Variants in PCDHA2 observed in about 807,000 individuals in gnomAD.
PCDHA2 encodes the protein protocadherin alpha 2.
PCDHA2 carries 58 observed loss-of-function variants against 66.0 expected under a neutral mutation model. The ratio of observed to expected loss-of-function variants is 0.88; its 90% CI spans 0.71 to 1.09. The LOEUF (loss-of-function observed/expected upper bound fraction) is 1.09, where lower values mean the gene tolerates loss of function less well. Among genes scored for constraint, PCDHA2 ranks in the 50% least tolerant of loss-of-function variants. PCDHA2 has a pLI of 0.00. For missense variants in PCDHA2, 1,267 were observed against 1,242.3 expected, an observed-to-expected ratio of 1.02 and a Z score of -0.30; for synonymous variants, 634 against 554.0, an observed-to-expected ratio of 1.14 and a Z score of -2.03.
chr5:140,832,282 A>C (rs1771893772), intron 1 of PCDHA2, among the ~76,000 whole-genome samples: 4 of 152,208 alleles, frequency 2.6e-5, no homozygotes, highest in Admixed American at 2.6e-4. Flanking sequence ...ATTAAGCATG[A>C]ATGGTGTATT....
Position 140,858,211 on chromosome 5 carries a change from C to T in PCDHA2, c.2388+60859C>T, listed in dbSNP as rs368039385. On this transcript the variant is annotated intron_variant, in intron 1 of 3. Transcript: ENST00000526136. ...TGCTGCTGTACACTGCACTGAGGTG[C>T]TCGGCGGCGCCCACCGAGGGCGCAT... 10 of 1,594,094 alleles carry T rather than the reference C, an allele frequency of 6.3e-6. 2 individuals are homozygous for T. Among genetic ancestry groups the T allele is most frequent in the Non-Finnish European group, 8.6e-6 (10 of 1,165,544 alleles).
rs2150304405 is a variant in PCDHA2, at chr5:140,840,185, G to A, written c.2388+42833G>A. On this transcript the variant is annotated intron_variant, in intron 1 of 3. Transcript: ENST00000526136. The stretch of plus-strand genomic sequence containing the variant: ...GGGATGTATACAAATTTTAAATATG[G>A]TAGGCAAAGGAAAAGAAGTCATAAA... 1.2e-3 allele frequency among the ~76,000 whole-genome samples: 185 copies of A among 152,064 alleles called. 3 individuals carry two copies. The highest frequency in any genetic ancestry group is 4.4e-3 in the African/African-American group (182 of 41,478).
At chr5:140,883,786 C>G in intron 1 of PCDHA2, 1 of 1,612,422 alleles carries the variant, frequency 6.2e-7, no homozygotes, top group Admixed American at 1.7e-5. Flanking sequence ...CGCTGTCGAG[C>G]TACGTGTCGG....
chr5:140,945,275 A>G (rs1205952276), intron 1 of PCDHA2, among the ~76,000 whole-genome samples: 2 of 152,186 alleles, frequency 1.3e-5, no homozygotes, highest in Non-Finnish European at 2.9e-5. Context: ...TGAAAACTTT[A>G]AAACATTGAT....
chr5:140,904,039 A>T (rs947456842), intron 1 of PCDHA2, among the ~76,000 whole-genome samples: 5 of 152,138 alleles, frequency 3.3e-5, no homozygotes, highest in Non-Finnish European at 7.4e-5. Context: ...TAACTTTTTA[A>T]TTTTTTTATT....
At chr5:140,828,396 G>A in intron 1 of PCDHA2, 1 of 1,614,278 alleles carries the variant, frequency 6.2e-7, no homozygotes, top group Non-Finnish European at 8.5e-7. Flanking sequence ...AGCGCGGAGT[G>A]CAGCATCCAC....
At chr5:140,867,584 T>G (rs1386448666) in intron 1 of PCDHA2, 4 of 152,130 alleles carry the variant, frequency 2.6e-5, no homozygotes, top group Non-Finnish European at 5.9e-5. Context: ...CTTGCAGTAT[T>G]TTTAGATTGG....
rs146195620 is a variant in PCDHA2, at chr5:140,842,865, G to A, written c.2388+45513G>A. The A allele has an allele frequency of 1.3e-6, 2 of 1,593,868 alleles. 1 individual carries two copies. The highest frequency in any genetic ancestry group is 1.7e-6 in the Non-Finnish European group (2 of 1,165,400). ...TACATTTCGGTGCACACGGAGAGCGGCAAGGTGTACGCGCTGCAGCCGCTG... is the reference window on the plus strand; with the variant it reads ...TACATTTCGGTGCACACGGAGAGCGACAAGGTGTACGCGCTGCAGCCGCTG... On this transcript the variant is annotated intron_variant, in intron 1 of 3. Coordinates refer to ENST00000526136, the MANE Select transcript of PCDHA2 (RefSeq NM_018905.3).
chr5:140,886,552 G>A (rs188986859), intron 1 of PCDHA2, among the ~76,000 whole-genome samples: 132 of 151,712 alleles, frequency 8.7e-4, no homozygotes, highest in Middle Eastern at 3.4e-3. Flanking sequence ...TCCCAGCTGG[G>A]CACGGTGGCT....
rs563652109 is a variant in PCDHA2 at position 140,884,316 on chromosome 5, C to G, written c.2388+86964C>G. 26 of 1,613,752 alleles carry G rather than the reference C, an allele frequency of 1.6e-5. 2 individuals carry two copies. The South Asian group carries it at 2.5e-4, about 16-fold the overall frequency. On this transcript the variant is annotated intron_variant, in intron 1 of 3. Transcript: ENST00000526136. ...GCGCCACAGGCTTCGTCGAGGGCGT[C>G]GGCAGGCGCTGTGGGTCCAGAAGCG...
chr5:140,929,166 C>T (rs782695019), intron 1 of PCDHA2: 1 of 1,614,146 alleles, frequency 6.2e-7, no homozygotes, highest in Non-Finnish European at 8.5e-7. Context: ...TCTATCGGGC[C>T]TCTCTGGGAC....
intron 1 of PCDHA2, among the ~76,000 whole-genome samples, chr5:140,916,847 C>G (rs1276107761): frequency 6.6e-6 from 1 of 152,116 alleles, no homozygotes; most frequent in Non-Finnish European, 1.5e-5. Flanking sequence ...GAGCCCAGCC[C>G]AGCACTAGGA....
chr5:140,843,735 G>A lies in PCDHA2; in HGVS notation c.2388+46383G>A. On this transcript the variant is annotated intron_variant, in intron 1 of 3. Coordinates refer to ENST00000526136, the MANE Select transcript of PCDHA2 (RefSeq NM_018905.3). ...CTCAAAGTAAGTCCATTTAAATTTA[G>A]AACTCATAAATTCTATTTGTGGAAA... The A allele has an allele frequency of 1.9e-6, 3 of 1,548,326 alleles. 1 individual carries two copies. The highest frequency in any genetic ancestry group is 2.7e-6 in the Non-Finnish European group (3 of 1,128,282).
intron 1 of PCDHA2, among the ~76,000 whole-genome samples, chr5:140,818,242 A>G (rs1413023462): frequency 2.0e-5 from 3 of 152,016 alleles, no homozygotes; most frequent in Non-Finnish European, 4.4e-5. Context: ...TTTATGTGCC[A>G]TTTCTGTTTT....
At chr5:140,844,051 C>T (rs1562419039) in intron 1 of PCDHA2, among the ~76,000 whole-genome samples, 1 of 149,544 alleles carries the variant, frequency 6.7e-6, no homozygotes, top group Non-Finnish European at 1.5e-5. Context: ...AGTATTCCCC[C>T]AAAGCGTTTA....
At chr5:140,801,293 C>T (rs1762674825) in intron 1 of PCDHA2, 1 of 1,613,524 alleles carries the variant, frequency 6.2e-7, no homozygotes, top group Non-Finnish European at 8.5e-7. Context: ...GCCAGCTCCA[C>T]TACTCCGTCT....
chr5:140,967,293 A>T, intron 1 of PCDHA2: 1 of 1,612,824 alleles, frequency 6.2e-7, no homozygotes. Flanking sequence ...CAGGACCCCG[A>T]CGTGGGCGCC....
At chr5:140,850,426 G>A (rs2150483795) in intron 1 of PCDHA2, 1 of 1,597,836 alleles carries the variant, frequency 6.3e-7, no homozygotes, top group Non-Finnish European at 8.6e-7. Flanking sequence ...GACGCACCGC[G>A]CCAGCGCCTA....
chr5:140,823,521 G>T, intron 1 of PCDHA2: 2 of 1,613,692 alleles, frequency 1.2e-6, no homozygotes, highest in Non-Finnish European at 8.5e-7. Context: ...TGGTGCCGAG[G>T]TCAGTGGGTG....
Sources: allele counts gnomAD v4.1 joint callset (sites outside exome capture counted in the v4.1 genomes callset), GRCh38; gene constraint gnomAD v4.1.1; transcripts MANE v1.5; gene names NCBI Gene and HGNC (gene_info 2026-07-23, HGNC 2026-07-21).